SPESP1: variants seen among roughly 807,000 people sequenced by gnomAD.
SPESP1 encodes sperm equatorial segment protein 1.
A neutral mutation model predicts 3.1 loss-of-function variants in SPESP1; 1 was observed. The observed-to-expected ratio is 0.33, with a 90% CI of 0.12 to 1.54. The LOEUF (loss-of-function observed/expected upper bound fraction) is 1.54. SPESP1 is among the 40% of genes most tolerant of loss of function. The pLI, the probability that SPESP1 is intolerant of heterozygous loss-of-function variation, is 0.38. For missense variants in SPESP1, 398 were observed against 410.1 expected (o/e 0.97, Z 0.26); for synonymous variants, 138 against 150.7 (o/e 0.92, Z 0.62).
chr15:68,934,726 C>T (rs1200815229), intron 1 of SPESP1, among the ~76,000 whole-genome samples: 3 of 152,090 alleles, frequency 2.0e-5, no homozygotes, highest in East Asian at 1.9e-4. Flanking sequence ...CATTTTTTAT[C>T]TCCAAATAAA....
chr15:68,930,572 C>T lies in SPESP1; in HGVS notation c.-82C>T. On this transcript the variant is annotated 5_prime_UTR_variant, in exon 1 of 2. Coordinates refer to ENST00000310673, the MANE Select transcript of SPESP1 (RefSeq NM_145658.4). ...GAGGCAGGACGGTACTCCGCTGACA[C>T]CTTCCCTTTCGGCCTTGAGGTTCCC... The T allele has an allele frequency of 1.3e-6, 2 of 1,582,574 alleles. No individual in the cohort carries two copies. The highest frequency in any genetic ancestry group is 1.7e-6 in the Non-Finnish European group (2 of 1,154,046).
At chr15:68,931,799 T>G (rs1895550242) in intron 1 of SPESP1, among the ~76,000 whole-genome samples, 1 of 152,200 alleles carries the variant, frequency 6.6e-6, no homozygotes, top group South Asian at 2.1e-4. Context: ...GGCTTCCCCA[T>G]TTAGTCTAAC....
Position 68,941,501 on chromosome 15 carries a change from C to G in SPESP1, c.65-4098C>G, listed in dbSNP as rs115401363. Among the ~76,000 whole-genome samples, 989 of 152,222 alleles carry G rather than the reference C, an allele frequency of 6.5e-3. 15 individuals are homozygous for G. The highest frequency in any genetic ancestry group is 0.022 in the African/African-American group (934 of 41,532). ...CTTCTGGAAACTCAAGGGAAAAATA[C>G]GCTCCTTGCGTCTTCTAGTTTCTGG... On this transcript the variant is annotated intron_variant, in intron 1 of 1. Coordinates refer to ENST00000310673, the MANE Select transcript of SPESP1 (RefSeq NM_145658.4).
At chr15:68,945,375 A>G (rs572361320) in intron 1 of SPESP1, among the ~76,000 whole-genome samples, 4 of 152,346 alleles carry the variant, frequency 2.6e-5, no homozygotes, top group African/African-American at 9.6e-5. Flanking sequence ...TTAATATGCA[A>G]CTTTTGCACT....
chr15:68,932,276 G>A (rs1258190273), intron 1 of SPESP1, among the ~76,000 whole-genome samples: 1 of 152,122 alleles, frequency 6.6e-6, no homozygotes, highest in Non-Finnish European at 1.5e-5. Flanking sequence ...CTTTAACACT[G>A]TCACACAGTA....
chr15:68,945,063 C>A (rs763397554), intron 1 of SPESP1, among the ~76,000 whole-genome samples: 2 of 152,110 alleles, frequency 1.3e-5, no homozygotes, highest in Non-Finnish European at 2.9e-5. Context: ...AATAACCTCA[C>A]AAGCATAGAA....
At chr15:68,934,027 ATTAAT>A (rs1238784726) in intron 1 of SPESP1, among the ~76,000 whole-genome samples, 10 of 151,962 alleles carry the variant, frequency 6.6e-5, no homozygotes, top group East Asian at 3.8e-4. Context: ...GTGTGTTAAT[ATTAAT>A]TTAATATTAA....
At chr15:68,933,857 T>TG (rs1895615856) in intron 1 of SPESP1, among the ~76,000 whole-genome samples, 1 of 143,088 alleles carries the variant, frequency 7.0e-6, no homozygotes, top group African/African-American at 2.6e-5. Context: ...AGACCTTGTC[T>TG]CAAAAAAAAA....
intron 1 of SPESP1, among the ~76,000 whole-genome samples, chr15:68,944,670 T>A (rs2140428727): frequency 6.6e-6 from 1 of 152,284 alleles, no homozygotes; most frequent in Admixed American, 6.5e-5. Flanking sequence ...TATAGTATTT[T>A]CAGCTTTGCA....
intron 1 of SPESP1, among the ~76,000 whole-genome samples, chr15:68,931,135 C>T (rs1895526520): frequency 6.6e-6 from 1 of 151,946 alleles, no homozygotes; most frequent in Non-Finnish European, 1.5e-5. Context: ...ATGTGCACAG[C>T]GTGCAGGTTT....
intron 1 of SPESP1, among the ~76,000 whole-genome samples, chr15:68,936,638 C>T (rs1156489364): frequency 6.6e-6 from 1 of 152,096 alleles, no homozygotes; most frequent in Non-Finnish European, 1.5e-5. Flanking sequence ...GATTGCACCA[C>T]TCTGGACATA....
In SPESP1 at chr15:68,930,617, G is replaced by A. The variant is rs1272222205; in HGVS notation, c.-37G>A. The A allele has an allele frequency of 6.2e-7, 1 of 1,612,780 alleles. No homozygotes were observed. Among genetic ancestry groups the A allele is most frequent in the Non-Finnish European group, 8.5e-7 (1 of 1,179,094 alleles). ...GTTCCCAGCCTGGTGGCCCCAGGAC[G>A]TTCCGGTCGCATGGCAGAGTGCTAC... On this transcript the variant is annotated 5_prime_UTR_variant, in exon 1 of 2. Transcript: ENST00000310673.
Position 68,946,403 on chromosome 15 carries a change from G to GTAAT in SPESP1, c.870_873dup (p.Lys292Ter). 1.2e-6 allele frequency: 2 copies of GTAAT among 1,614,056 alleles called. No individual in the cohort carries two copies. Among genetic ancestry groups the GTAAT allele is most frequent in the Non-Finnish European group, 1.7e-6 (2 of 1,180,000 alleles). Reference sequence around the variant, plus strand: ...CAGTTATTGCCAGTAGGACGAACAAGTAATAAAATTGATGACATCGAAACT... The same window carrying GTAAT: ...CAGTTATTGCCAGTAGGACGAACAAGTAATTAATAAAATTGATGACATCGAAACT... On this transcript the variant is annotated frameshift_variant, in exon 2 of 2. Transcript: ENST00000310673. LOFTEE classifies it low-confidence loss of function (END_TRUNC).
chr15:68,937,139 C>G (rs1254696650), intron 1 of SPESP1, among the ~76,000 whole-genome samples: 2 of 152,112 alleles, frequency 1.3e-5, no homozygotes, highest in South Asian at 4.1e-4. Context: ...AGTTTTCTTC[C>G]TCTGTATTCT....
chr15:68,945,641 A>G lies in SPESP1; in HGVS notation c.107A>G (p.Tyr36Cys), dbSNP rs1162498389. 3.1e-6 allele frequency: 5 copies of G among 1,596,898 alleles called. No homozygotes were observed. In the South Asian group the frequency reaches 5.8e-5, roughly 18 times the overall value. Residue 36 changes from tyrosine to cysteine, a missense_variant, in exon 2 of 2, where the codon TAT becomes TGT. By Grantham distance (194) the Tyr-to-Cys change is radical (BLOSUM62 -2). Coordinates refer to ENST00000310673, the MANE Select transcript of SPESP1 (RefSeq NM_145658.4). Reference sequence around the variant, plus strand: ...GATGAAGAGCAAAACTTGAATCATTATATACAAGTTTTAGAGAACCTAGTA... The same window carrying G: ...GATGAAGAGCAAAACTTGAATCATTGTATACAAGTTTTAGAGAACCTAGTA... ...TPDEEQNLNHYIQVLENLVRS... is the reference protein window; with the variant it reads ...TPDEEQNLNHCIQVLENLVRS...
In SPESP1 at chr15:68,930,556, C is replaced by G. The variant is rs542227872; in HGVS notation, c.-98C>G. ...GGGTGTCCCAGGGCCTGAGGCAGGA[C>G]GGTACTCCGCTGACACCTTCCCTTT... On this transcript the variant is annotated 5_prime_UTR_variant, in exon 1 of 2. Transcript: ENST00000310673. 9 of 1,517,398 alleles carry G rather than the reference C, an allele frequency of 5.9e-6. No individual in the cohort carries two copies. The Admixed American group carries it at 1.5e-4, about 26-fold the overall frequency. 94.0% of individuals were successfully genotyped at this position (1,517,398 alleles called of 1,614,324 possible).
rs1318936838 is a variant in SPESP1, at chr15:68,945,886, A to G, written c.352A>G (p.Ser118Gly). Residue 118 changes from serine to glycine, a missense_variant, in exon 2 of 2, where the codon AGT becomes GGT. By Grantham distance (56) the Ser-to-Gly change is moderately conservative. Transcript: ENST00000310673. ...PEIGKKKHTE[S>G]TPFWSIKPNN... is the part of the protein sequence containing the mutation. ...AATAGGAAAGAAAAAACACACGGAAAGTACCCCATTCTGGTCGATCAAACC... is the reference window on the plus strand; with the variant it reads ...AATAGGAAAGAAAAAACACACGGAAGGTACCCCATTCTGGTCGATCAAACC... 6.2e-7 allele frequency: 1 copy of G among 1,614,122 alleles called. No homozygotes were observed. Among genetic ancestry groups the G allele is most frequent in the East Asian group, 2.2e-5 (1 of 44,880 alleles).
chr15:68,945,466 G>A, intron 1 of SPESP1, 133 bp from the exon 2 acceptor site: 1 of 618,080 alleles, frequency 1.6e-6, no homozygotes, highest in Non-Finnish European at 2.5e-6. Flanking sequence ...TGTCAAAGGT[G>A]CTTTGCATAT....
At chr15:68,935,433 A>C (rs1210761951) in intron 1 of SPESP1, among the ~76,000 whole-genome samples, 1 of 152,226 alleles carries the variant, frequency 6.6e-6, no homozygotes, top group East Asian at 1.9e-4. Context: ...ATGGCCTCTC[A>C]TCCTCCAGGG....
Sources: gnomAD v4.1 joint callset for allele counts (sites outside exome capture counted in the v4.1 genomes callset) on GRCh38, gnomAD v4.1.1 for gene constraint, MANE v1.5 for transcripts, NCBI Gene and HGNC (gene_info 2026-07-23, HGNC 2026-07-21) for gene names.